Variants in GPAM observed in about 807,000 individuals in gnomAD.
The protein encoded by GPAM is glycerol-3-phosphate acyltransferase 1, mitochondrial.
A neutral mutation model predicts 105.0 loss-of-function variants in GPAM; 56 were observed. The observed-to-expected ratio is 0.53, with a 90% CI of 0.43 to 0.67. The LOEUF is 0.67. GPAM is among the 30% of genes least tolerant of loss of function. The pLI, the probability that GPAM is intolerant of heterozygous loss-of-function variation, is 0.00. For synonymous variants in GPAM, 368 were observed against 354.4 expected (o/e 1.04, Z -0.43); for missense variants, 855 against 989.8 (o/e 0.86, Z 1.83).
In GPAM at chr10:112,153,130, A is replaced by C. The variant is rs1846949813; in HGVS notation, c.*420T>G. 9.8e-7 allele frequency: 1 copy of C among 1,024,502 alleles called. No homozygotes were observed. Among genetic ancestry groups the C allele is most frequent in the African/African-American group, 1.7e-5 (1 of 58,486 alleles). 63.5% of individuals were successfully genotyped at this position (1,024,502 alleles called of 1,614,324 possible). On this transcript the variant is annotated 3_prime_UTR_variant, in exon 22 of 22. Coordinates refer to ENST00000348367, the MANE Select transcript of GPAM (RefSeq NM_001244949.2). ...TTTTTAAAGGAAGCATTAACCACTA[A>C]CCAGATAATATACCAACAAATTACC...
intron 1 of GPAM, among the ~76,000 whole-genome samples, chr10:112,213,111 A>G (rs7088682): frequency 0.18 from 26,956 of 152,156 alleles, 3,370 homozygotes; most frequent in African/African-American, 0.34. Context: ...TCAGTGCTCA[A>G]TAGGCCCAGC....
intron 1 of GPAM, among the ~76,000 whole-genome samples, chr10:112,196,956 A>G (rs1231888880): frequency 6.6e-6 from 1 of 152,212 alleles, no homozygotes; most frequent in Non-Finnish European, 1.5e-5. Context: ...ACCTCCATAA[A>G]GCATTGGAAC....
At chr10:112,193,871 C>G (rs1184680189) in intron 1 of GPAM, among the ~76,000 whole-genome samples, 1 of 152,148 alleles carries the variant, frequency 6.6e-6, no homozygotes, top group Non-Finnish European at 1.5e-5. Context: ...ACTTTTGGGA[C>G]AAAAGAGGAA....
In GPAM at chr10:112,150,920, A is replaced by C; in HGVS notation, c.*2630T>G. 1 of 985,260 alleles carries C rather than the reference A, an allele frequency of 1.0e-6. No homozygotes were observed. Among genetic ancestry groups the C allele is most frequent in the Non-Finnish European group, 1.2e-6 (1 of 829,698 alleles). The allele number at this position is 985,260 out of a possible 1,614,324, so 61.0% of individuals were successfully genotyped here. A position where few individuals can be genotyped will look rare whatever the true frequency, so the allele number is the denominator to read the frequency against. ...AATATTTTCTCCATTTACCCTCATG[A>C]CTTTGTGAAATTTAACAGATTCCAG... On this transcript the variant is annotated 3_prime_UTR_variant, in exon 22 of 22. Coordinates refer to ENST00000348367, the MANE Select transcript of GPAM (RefSeq NM_001244949.2).
At chr10:112,200,244 T>G (rs7085047) in intron 1 of GPAM, among the ~76,000 whole-genome samples, 29,139 of 123,220 alleles carry the variant, frequency 0.24, 3,444 homozygotes, top group East Asian at 0.31. Flanking sequence ...TATATATATA[T>G]AGAGAGAGAG....
chr10:112,168,287 A>T (rs773272825), intron 11 of GPAM, 25 bp downstream of exon 11: 1 of 1,317,010 alleles, frequency 7.6e-7, no homozygotes, highest in Non-Finnish European at 1.1e-6. Flanking sequence ...ATAAGCAAAG[A>T]AAACTTTTGT....
chr10:112,156,218 G>A (rs2133225678), intron 19 of GPAM, 165 bp from the exon 20 acceptor site: 2 of 655,540 alleles, frequency 3.1e-6, no homozygotes, highest in Non-Finnish European at 5.5e-6. Context: ...AATCTCTGCT[G>A]GAAACAACTG....
In GPAM at chr10:112,153,241, T is replaced by C. The variant is rs1377537227; in HGVS notation, c.*309A>G. On this transcript the variant is annotated 3_prime_UTR_variant, in exon 22 of 22. Transcript: ENST00000348367. ...CATCACAGTAATTAGTCCTTAAAAG[T>C]TGTACTTAAAATGTCAATCTTTAAT... 8.4e-6 allele frequency: 10 copies of C among 1,192,398 alleles called. No individual in the cohort carries two copies. Among genetic ancestry groups the C allele is most frequent in the East Asian group, 1.0e-4 (2 of 19,802 alleles). 73.9% of individuals were successfully genotyped at this position (1,192,398 alleles called of 1,614,324 possible). A position where few individuals can be genotyped will look rare whatever the true frequency, so the allele number is the denominator to read the frequency against.
intron 1 of GPAM, among the ~76,000 whole-genome samples, chr10:112,193,004 A>G (rs1847680211): frequency 6.6e-6 from 1 of 152,232 alleles, no homozygotes; most frequent in African/African-American, 2.4e-5. Flanking sequence ...TCTATGTGCC[A>G]AGCACTATTC....
At chr10:112,220,864 A>ACG in the GPAM span, among the ~76,000 whole-genome samples, 1 of 151,792 alleles carries the variant, frequency 6.6e-6, no homozygotes, top group Non-Finnish European at 1.5e-5. Flanking sequence ...ACACACACAC[A>ACG]CACACACACA....
At chr10:112,200,067 G>T (rs1358957622) in intron 1 of GPAM, among the ~76,000 whole-genome samples, 1 of 151,066 alleles carries the variant, frequency 6.6e-6, no homozygotes, top group Non-Finnish European at 1.5e-5. Context: ...GCCACACTTG[G>T]ATCTTGTTCT....
At chr10:112,192,899 G>A (rs1847678872) in intron 1 of GPAM, among the ~76,000 whole-genome samples, 1 of 152,212 alleles carries the variant, frequency 6.6e-6, no homozygotes, top group Non-Finnish European at 1.5e-5. Flanking sequence ...TATGTTGTAT[G>A]CAGGGGCCTG....
At chr10:112,197,114 T>C (rs909499165) in intron 1 of GPAM, among the ~76,000 whole-genome samples, 15 of 152,212 alleles carry the variant, frequency 9.9e-5, no homozygotes, top group African/African-American at 3.4e-4. Context: ...TTCATTTAAA[T>C]TTCTAGGTCA....
Position 112,210,084 on chromosome 10 carries a change from G to A in GPAM, n.210+5084C>T, listed in dbSNP as rs372917486. On this transcript the variant is annotated intron_variant and non_coding_transcript_variant, in intron 1 of 3. Transcript: ENST00000480130. ...CTGACACGCAGGGTCCCTGTTTTAC[G>A]TCTGACGTGCTGTGGCAGTTGGAGA... Among the ~76,000 whole-genome samples the A allele has an allele frequency of 1.5e-3, 225 of 152,318 alleles. 2 individuals are homozygous for A. Among genetic ancestry groups the A allele is most frequent in the African/African-American group, 4.6e-3 (190 of 41,576 alleles).
chr10:112,170,730 C>T (rs1488870494), intron 9 of GPAM, among the ~76,000 whole-genome samples: 8 of 152,196 alleles, frequency 5.3e-5, no homozygotes, highest in Admixed American at 5.2e-4. Flanking sequence ...CACATCTACC[C>T]TGTAGAATCA....
chr10:112,224,536 A>C, the GPAM span, among the ~76,000 whole-genome samples: 1 of 152,138 alleles, frequency 6.6e-6, no homozygotes, highest in African/African-American at 2.4e-5. Context: ...ATTCCCTCCA[A>C]GCAAGTGTCT....
chr10:112,200,302 G>A (rs1001332597), intron 1 of GPAM, among the ~76,000 whole-genome samples: 2 of 147,628 alleles, frequency 1.4e-5, no homozygotes, highest in South Asian at 2.1e-4. Context: ...ACTGTTGATC[G>A]TTTTTGAGAC....
At chr10:112,223,554 T>C in the GPAM span, among the ~76,000 whole-genome samples, 1 of 152,234 alleles carries the variant, frequency 6.6e-6, no homozygotes, top group South Asian at 2.1e-4. Context: ...CTTGTGACCT[T>C]AAGCAAATCA....
At chr10:112,175,541 T>C (rs1589593561) in intron 6 of GPAM, 59 bp downstream of exon 6, 1 of 857,478 alleles carries the variant, frequency 1.2e-6, no homozygotes, top group Non-Finnish European at 2.0e-6. Context: ...TACTTCCCCC[T>C]CCCACTCCTA....
Sources: allele counts gnomAD v4.1 joint callset (sites outside exome capture counted in the v4.1 genomes callset), GRCh38; gene constraint gnomAD v4.1.1; transcripts MANE v1.5; gene names NCBI Gene and HGNC (gene_info 2026-07-23, HGNC 2026-07-21).